NFAM1: variants seen among roughly 807,000 people sequenced by gnomAD.
NFAM1 encodes NFAT activating protein with ITAM motif 1.
Under a neutral mutation model 29.0 loss-of-function variants are expected in NFAM1, and 17 were observed. The observed-to-expected ratio is 0.59, with a 90% confidence interval of 0.40 to 0.88. NFAM1 has a LOEUF of 0.88. Ranked by LOEUF, NFAM1 falls within the 40% of genes least tolerant of loss-of-function variation. The pLI, the probability that NFAM1 is intolerant of heterozygous loss-of-function variation, is 0.00. For missense variants in NFAM1, 324 were observed against 344.6 expected (o/e 0.94, Z 0.47); for synonymous variants, 175 against 147.2 (o/e 1.19, Z -1.36).
upstream of NFAM1, among the ~76,000 whole-genome samples, chr22:42,436,605 TTG>T (rs1930947090): frequency 6.6e-6 from 1 of 152,218 alleles, no homozygotes; most frequent in Non-Finnish European, 1.5e-5. Flanking sequence ...CTGGCCTGGC[TTG>T]TCTCCAGAAT....
chr22:42,416,864 CCTT>C (rs773985200), intron 1 of NFAM1, among the ~76,000 whole-genome samples: 26 of 152,290 alleles, frequency 1.7e-4, no homozygotes, highest in Admixed American at 3.9e-4. Flanking sequence ...GGCTGAGTGT[CCTT>C]CTAGACTGGC....
chr22:42,399,160 G>A (rs1455831390), intron 3 of NFAM1, among the ~76,000 whole-genome samples: 3 of 152,180 alleles, frequency 2.0e-5, no homozygotes, highest in Non-Finnish European at 4.4e-5. Flanking sequence ...GTCAGCATAG[G>A]CCAGGCACGG....
chr22:42,397,570 G>A (rs957050022), intron 4 of NFAM1, among the ~76,000 whole-genome samples: 2 of 152,120 alleles, frequency 1.3e-5, no homozygotes, highest in South Asian at 2.1e-4. Flanking sequence ...AACTTGTGCC[G>A]TCACTACCCC....
At chr22:42,417,884 G>C (rs1930313535) in intron 1 of NFAM1, among the ~76,000 whole-genome samples, 1 of 152,180 alleles carries the variant, frequency 6.6e-6, no homozygotes, top group South Asian at 2.1e-4. Flanking sequence ...CCGTCCCCGG[G>C]CTTGGCTGTT....
rs1929995452 is a variant in NFAM1, at chr22:42,409,137, T to C, written c.564+298A>G. ...GCAGGGATTCCCTAATCTGGGGAGC[T>C]AGAAATGGTAGGCAGGAGGGCCTGC... On this transcript the variant is annotated intron_variant, in intron 3 of 5. Transcript: ENST00000329021. This position sits in a 1 kb window ranked among gnomAD's most constrained non-coding sequence, Gnocchi z 4.9. 6.6e-6 allele frequency among the ~76,000 whole-genome samples: 1 copy of C among 152,104 alleles called. No homozygotes were observed. The highest frequency in any genetic ancestry group is 2.4e-5 in the African/African-American group (1 of 41,424).
In NFAM1 at chr22:42,388,556, G is replaced by T. The variant is rs1421170296; in HGVS notation, c.664-1478C>A. ...ATATGGATGCCGGCTGGTTGCCAAG[G>T]AGGCGGTTTCCCTGGCAACAGGCAA... On this transcript the variant is annotated intron_variant, in intron 4 of 5. Coordinates refer to ENST00000329021, the MANE Select transcript of NFAM1 (RefSeq NM_145912.8). The surrounding 1 kb of genome is among the most constrained non-coding windows in gnomAD (Gnocchi z 4.1). Among the ~76,000 whole-genome samples the T allele has an allele frequency of 6.6e-6, 1 of 152,084 alleles. No homozygotes were observed. Among genetic ancestry groups the T allele is most frequent in the Non-Finnish European group, 1.5e-5 (1 of 68,010 alleles).
At chr22:42,422,530 G>C (rs558255502) in intron 1 of NFAM1, among the ~76,000 whole-genome samples, 4 of 152,108 alleles carry the variant, frequency 2.6e-5, no homozygotes, top group African/African-American at 9.7e-5. Flanking sequence ...GCTTGAACCC[G>C]GGAGGTGGAG....
intron 1 of NFAM1, among the ~76,000 whole-genome samples, chr22:42,416,362 G>GGT (rs974551677): frequency 2.0e-5 from 3 of 152,190 alleles, no homozygotes; most frequent in African/African-American, 7.2e-5. Context: ...GATCATGAGT[G>GGT]GTGGGGCCAG....
chr22:42,437,009 T>TCC (rs1341877976), upstream of NFAM1: 2 of 983,958 alleles, frequency 2.0e-6, no homozygotes, highest in African/African-American at 1.8e-5. Context: ...CATACCATGG[T>TCC]CCCCCTGCTA....
chr22:42,383,945 G>C lies in NFAM1; in HGVS notation c.*1216C>G, dbSNP rs1036046443. The C allele has an allele frequency of 6.5e-6, 1 of 152,676 alleles. No individual in the cohort carries two copies. Among genetic ancestry groups the C allele is most frequent in the Non-Finnish European group, 1.5e-5 (1 of 68,086 alleles). 9.5% of individuals were successfully genotyped at this position (152,676 alleles called of 1,614,324 possible). A position where few individuals can be genotyped will look rare whatever the true frequency, so the allele number is the denominator to read the frequency against. On this transcript the variant is annotated 3_prime_UTR_variant, in exon 6 of 6. Transcript: ENST00000329021. ...TGCCTGTGGATGGGTTTCTGGCCACGGTGCAGGGCTACTGCGAGGAGGAAA... is the reference window on the plus strand; with the variant it reads ...TGCCTGTGGATGGGTTTCTGGCCACCGTGCAGGGCTACTGCGAGGAGGAAA...
In NFAM1 at chr22:42,409,096, G is replaced by C. The variant is rs1482838906; in HGVS notation, c.564+339C>G. ...CCCTTCATCCCTTCCAGCCTGCTGG[G>C]ATCAAGAAAACCTGAGCAGGGATTC... is the stretch of plus-strand genomic sequence containing the variant. On this transcript the variant is annotated intron_variant, in intron 3 of 5. Coordinates refer to ENST00000329021, the MANE Select transcript of NFAM1 (RefSeq NM_145912.8). This position sits in a 1 kb window ranked among gnomAD's most constrained non-coding sequence, Gnocchi z 4.9. 6.6e-6 allele frequency among the ~76,000 whole-genome samples: 1 copy of C among 152,138 alleles called. No homozygotes were observed. The highest frequency in any genetic ancestry group is 1.5e-5 in the Non-Finnish European group (1 of 68,000).
chr22:42,414,859 A>C (rs1930204869), intron 1 of NFAM1, among the ~76,000 whole-genome samples: 2 of 152,156 alleles, frequency 1.3e-5, no homozygotes. Context: ...AATTTCTTTA[A>C]AAATTCTCCC....
At chr22:42,427,654 A>G (rs1930665911) in intron 1 of NFAM1, among the ~76,000 whole-genome samples, 1 of 152,228 alleles carries the variant, frequency 6.6e-6, no homozygotes, top group Admixed American at 6.5e-5. Flanking sequence ...TGCTCTATCT[A>G]TAGCAACAAA....
chr22:42,406,353 G>C (rs1929897793), intron 3 of NFAM1, among the ~76,000 whole-genome samples: 1 of 152,148 alleles, frequency 6.6e-6, no homozygotes, highest in Non-Finnish European at 1.5e-5. Flanking sequence ...CTCAGACAGA[G>C]GGTCCATCAG....
intron 1 of NFAM1, among the ~76,000 whole-genome samples, chr22:42,412,759 C>G (rs1601752025): frequency 6.6e-6 from 1 of 152,166 alleles, no homozygotes; most frequent in African/African-American, 2.4e-5. Context: ...ACTCTGGGCT[C>G]GGAGAGGATT....
intron 1 of NFAM1, among the ~76,000 whole-genome samples, chr22:42,413,882 C>T (rs541994659): frequency 1.9e-4 from 29 of 152,216 alleles, no homozygotes; most frequent in Non-Finnish European, 2.6e-4. Flanking sequence ...GGCAAAACCC[C>T]GTCTCTACTA....
chr22:42,387,428 G>A (rs1259240540), intron 4 of NFAM1, among the ~76,000 whole-genome samples: 1 of 151,884 alleles, frequency 6.6e-6, no homozygotes, highest in Non-Finnish European at 1.5e-5. Context: ...GGCTCTTAAG[G>A]GCTTGGCAGC....
chr22:42,382,173 A>T lies in NFAM1; in HGVS notation c.*2988T>A, dbSNP rs894445701. Reference sequence around the variant, plus strand: ...CAGGTTCAAGAGATTCTCCTGCCTTAGCCTCTCGAGTAGCTGGGACTACAG... The same window carrying T: ...CAGGTTCAAGAGATTCTCCTGCCTTTGCCTCTCGAGTAGCTGGGACTACAG... On this transcript the variant is annotated 3_prime_UTR_variant, in exon 6 of 6. Transcript: ENST00000329021. The T allele has an allele frequency of 6.6e-6, 1 of 152,354 alleles. No homozygotes were observed. Among genetic ancestry groups the T allele is most frequent in the Non-Finnish European group, 1.5e-5 (1 of 68,194 alleles). The allele number at this position is 152,354 out of a possible 1,614,324, so 9.4% of individuals were successfully genotyped here.
intron 3 of NFAM1, among the ~76,000 whole-genome samples, chr22:42,401,613 C>CTCCCTGCCCA (rs899606313): frequency 1.8e-4 from 28 of 152,132 alleles, no homozygotes; most frequent in African/African-American, 6.8e-4. Flanking sequence ...GGCTGCTTTG[C>CTCCCTGCCCA]TCCCTGCCCA....
Sources: allele counts gnomAD v4.1 joint callset (sites outside exome capture counted in the v4.1 genomes callset), GRCh38; gene constraint gnomAD v4.1.1; non-coding constraint Gnocchi (gnomAD v3.1); transcripts MANE v1.5; gene names NCBI Gene and HGNC (gene_info 2026-07-23, HGNC 2026-07-21).